VAV3: variants seen among roughly 807,000 people sequenced by gnomAD.
VAV3 encodes vav guanine nucleotide exchange factor 3.
In VAV3, 94 loss-of-function variants were observed where a neutral mutation model predicts 131.2. The ratio of observed to expected loss-of-function variants is 0.72; its 90% CI spans 0.61 to 0.85. The LOEUF is 0.85. Among genes scored for constraint, VAV3 ranks in the 40% least tolerant of loss-of-function variants. VAV3 has a pLI of 0.00. For synonymous variants in VAV3, 349 were observed against 342.0 expected, an observed-to-expected ratio of 1.02 and a Z score of -0.22; for missense variants, 939 against 1,002.7, an observed-to-expected ratio of 0.94 and a Z score of 0.86.
chr1:107,614,820 C>A (rs957745023), intron 21 of VAV3, among the ~76,000 whole-genome samples: 3 of 152,082 alleles, frequency 2.0e-5, no homozygotes, highest in Non-Finnish European at 4.4e-5. Context: ...TTCAAGTGCT[C>A]ATCTTTATGC....
At chr1:107,864,615 C>A (rs375598639) in intron 2 of VAV3, among the ~76,000 whole-genome samples, 53 of 152,252 alleles carry the variant, frequency 3.5e-4, no homozygotes, top group Admixed American at 3.3e-4. Flanking sequence ...GAGGGTGAAA[C>A]CCTGTCTCAA....
rs371750799 is a variant in VAV3 at position 107,602,478 on chromosome 1, A to G, written c.2139T>C (p.Asn713=). ...AAATCTTGATGTGCTTTGCTTCATT[A>G]TTGTACCTGTGGGCAATGAATAACT... ...SGEYAISIKY[N]NEAKHIKILT... is the part of the protein sequence containing the mutation. The change falls in exon 24 of 27, where the codon AAT becomes AAC. Residue 713 remains asparagine, a synonymous_variant. Transcript: ENST00000370056. The G allele has an allele frequency of 1.9e-6, 3 of 1,570,274 alleles. No homozygotes were observed. The African/African-American group carries it at 4.2e-5, about 22-fold the overall frequency.
At chr1:107,943,695 T>C (rs565391865) in intron 1 of VAV3, among the ~76,000 whole-genome samples, 32 of 152,306 alleles carry the variant, frequency 2.1e-4, no homozygotes, top group Admixed American at 3.3e-4. Context: ...TGAGCCGAGA[T>C]GGTGCCACTG....
intron 1 of VAV3, among the ~76,000 whole-genome samples, chr1:107,888,320 T>C (rs11185201): frequency 0.87 from 132,259 of 152,220 alleles, 57,802 homozygotes; most frequent in African/African-American, 0.96. Context: ...GTTTAAACTG[T>C]AGCTCAGATC....
intron 1 of VAV3, among the ~76,000 whole-genome samples, chr1:107,915,063 G>A (rs1261112299): frequency 2.6e-5 from 4 of 152,204 alleles, no homozygotes; most frequent in Admixed American, 2.6e-4. Flanking sequence ...GGCCCAACTA[G>A]GGACTCACTT....
At chr1:107,590,980 C>T (rs1650904085) in intron 25 of VAV3, among the ~76,000 whole-genome samples, 1 of 152,168 alleles carries the variant, frequency 6.6e-6, no homozygotes, top group African/African-American at 2.4e-5. Flanking sequence ...TGTAAAACTT[C>T]AATACTTTCC....
chr1:107,684,112 ATTC>A (rs1255026727), intron 18 of VAV3, among the ~76,000 whole-genome samples: 4 of 152,264 alleles, frequency 2.6e-5, no homozygotes, highest in Non-Finnish European at 5.9e-5. Flanking sequence ...ATAAAAATGA[ATTC>A]TTATTATAGA....
At chr1:107,638,604 T>C (rs1329778093) in intron 20 of VAV3, among the ~76,000 whole-genome samples, 1 of 152,196 alleles carries the variant, frequency 6.6e-6, no homozygotes, top group East Asian at 1.9e-4. Flanking sequence ...AATTTTCCTA[T>C]ATTGATCTAC....
At chr1:107,708,126 G>C (rs1338153515) in intron 15 of VAV3, among the ~76,000 whole-genome samples, 1 of 152,138 alleles carries the variant, frequency 6.6e-6, no homozygotes, top group African/African-American at 2.4e-5. Context: ...GCAAAGACAT[G>C]AGATAGGTTG....
chr1:107,674,403 A>G (rs530258366), intron 19 of VAV3, among the ~76,000 whole-genome samples: 12 of 152,274 alleles, frequency 7.9e-5, no homozygotes, highest in African/African-American at 1.2e-4. Context: ...TCAGATTAAC[A>G]TTTTCAAAAT....
intron 1 of VAV3, among the ~76,000 whole-genome samples, chr1:107,881,613 G>A (rs1446683339): frequency 6.6e-6 from 1 of 152,156 alleles, no homozygotes; most frequent in African/African-American, 2.4e-5. Flanking sequence ...CTCTTCAGAA[G>A]GGCATGAATA....
chr1:107,698,065 C>G (rs539778260), intron 17 of VAV3, among the ~76,000 whole-genome samples: 1 of 152,140 alleles, frequency 6.6e-6, no homozygotes, highest in Non-Finnish European at 1.5e-5. Flanking sequence ...GAAACTTAGA[C>G]AGATTGCATA....
At chr1:107,957,817 A>C (rs1674888858) in intron 1 of VAV3, among the ~76,000 whole-genome samples, 1 of 151,910 alleles carries the variant, frequency 6.6e-6, no homozygotes, top group Non-Finnish European at 1.5e-5. Context: ...ATTAGAAAAT[A>C]TGTGGTGATC....
chr1:107,929,571 CT>C (rs2101196596), intron 1 of VAV3, among the ~76,000 whole-genome samples: 1 of 152,158 alleles, frequency 6.6e-6, no homozygotes, highest in African/African-American at 2.4e-5. Context: ...GTAAACTCCC[CT>C]AAGTAGAAAG....
At chr1:107,886,395 G>A (rs992353257) in intron 1 of VAV3, among the ~76,000 whole-genome samples, 1 of 152,204 alleles carries the variant, frequency 6.6e-6, no homozygotes, top group Non-Finnish European at 1.5e-5. Context: ...TCCATGCTAC[G>A]CAGCCTCTCG....
At chr1:107,589,483 C>G (rs1024220080) in intron 25 of VAV3, among the ~76,000 whole-genome samples, 1 of 152,180 alleles carries the variant, frequency 6.6e-6, no homozygotes, top group African/African-American at 2.4e-5. Flanking sequence ...GAGGGATTCT[C>G]CCTCAGAGCC....
intron 25 of VAV3, among the ~76,000 whole-genome samples, chr1:107,577,796 A>C (rs1369512199): frequency 6.6e-6 from 1 of 152,164 alleles, no homozygotes. Context: ...GCCCTGGAGT[A>C]TTTCTAGGAT....
intron 15 of VAV3, among the ~76,000 whole-genome samples, chr1:107,707,718 T>C (rs560645363): frequency 1.3e-3 from 194 of 152,290 alleles, no homozygotes; most frequent in African/African-American, 4.5e-3. Flanking sequence ...TGAAAAACCT[T>C]GTGTATGAAA....
At chr1:107,611,609 CA>C (rs1324755005) in intron 21 of VAV3, among the ~76,000 whole-genome samples, 1 of 111,324 alleles carries the variant, frequency 9.0e-6, no homozygotes, top group Non-Finnish European at 1.9e-5. Flanking sequence ...AAAAAAAAAA[CA>C]AACAAACAAA....
Sources: allele counts gnomAD v4.1 joint callset (sites outside exome capture counted in the v4.1 genomes callset), GRCh38; gene constraint gnomAD v4.1.1; transcripts MANE v1.5; gene names NCBI Gene and HGNC (gene_info 2026-07-23, HGNC 2026-07-21).